PTPRE: variants seen among roughly 807,000 people sequenced by gnomAD.
PTPRE encodes the protein protein tyrosine phosphatase receptor type E, also known as receptor-type tyrosine-protein phosphatase epsilon.
PTPRE carries 51 observed loss-of-function variants against 102.0 expected under a neutral mutation model. That is an observed-to-expected ratio of 0.50 (90% CI 0.40 to 0.63). The LOEUF is 0.63. Among genes scored for constraint, PTPRE ranks in the 30% least tolerant of loss-of-function variants. PTPRE has a pLI of 0.00. For synonymous variants in PTPRE, 345 were observed against 348.2 expected, an observed-to-expected ratio of 0.99 and a Z score of 0.10; for missense variants, 752 against 915.1, an observed-to-expected ratio of 0.82 and a Z score of 2.30.
intron 2 of PTPRE, chr10:127,999,546 A>C (rs1275308715): frequency 2.0e-6 from 2 of 985,216 alleles, no homozygotes. Context: ...CTGCTTACCC[A>C]GCTGGGACTG....
At chr10:127,924,437 G>A (rs1400465468) in intron 1 of PTPRE, among the ~76,000 whole-genome samples, 1 of 152,184 alleles carries the variant, frequency 6.6e-6, no homozygotes, top group Non-Finnish European at 1.5e-5. Context: ...TGTTGGCCAG[G>A]CTGATCTCAA....
intron 10 of PTPRE, among the ~76,000 whole-genome samples, chr10:128,065,816 A>T (rs768659794): frequency 7.9e-5 from 12 of 152,234 alleles, no homozygotes; most frequent in Non-Finnish European, 1.5e-4. Flanking sequence ...TTCGTGAATG[A>T]ATGAAGAAAT....
intron 2 of PTPRE, among the ~76,000 whole-genome samples, chr10:127,995,208 C>T (rs1273340968): frequency 5.9e-5 from 9 of 152,194 alleles, no homozygotes; most frequent in African/African-American, 1.7e-4. Flanking sequence ...CAGATCCACA[C>T]ATCTTTGTTC....
At position 127,968,011 on chromosome 10, in the gene PTPRE, TG is replaced by T. The variant is rs1564835834; in HGVS notation, c.-30-14262del. Reference sequence around the variant, plus strand: ...AATGCCTCCCAGGTTGCTCTATAGGTGTGTGTGTGTGTGTGTGTGTGTGTGT... The same window carrying T: ...AATGCCTCCCAGGTTGCTCTATAGGTTGTGTGTGTGTGTGTGTGTGTGTGT... On this transcript the variant is annotated intron_variant, in intron 1 of 20. Transcript: ENST00000254667. 5.7e-4 allele frequency among the ~76,000 whole-genome samples: 72 copies of T among 125,714 alleles called. No individual in the cohort carries two copies. The East Asian group carries it at 0.014, about 25-fold the overall frequency. 82.5% of individuals were successfully genotyped at this position (125,714 alleles called of 152,430 possible).
intron 2 of PTPRE, among the ~76,000 whole-genome samples, chr10:127,992,644 C>G (rs563285807): frequency 6.6e-6 from 1 of 152,270 alleles, no homozygotes; most frequent in Admixed American, 6.5e-5. Context: ...AGGCCTGGAG[C>G]CTCTCCTTTT....
At chr10:127,958,425 G>T (rs189777691) in intron 1 of PTPRE, among the ~76,000 whole-genome samples, 151 of 152,162 alleles carry the variant, frequency 9.9e-4, no homozygotes, top group Non-Finnish European at 1.8e-3. Context: ...ATTTTGTCAC[G>T]TGCTTTTTTT....
chr10:128,077,314 C>A (rs1485710887), intron 18 of PTPRE, among the ~76,000 whole-genome samples: 3 of 152,204 alleles, frequency 2.0e-5, no homozygotes, highest in Non-Finnish European at 4.4e-5. Flanking sequence ...GAAAGTGATT[C>A]CCTTCTCTCC....
At chr10:127,912,680 T>C (rs1845944196) in intron 1 of PTPRE, among the ~76,000 whole-genome samples, 1 of 152,228 alleles carries the variant, frequency 6.6e-6, no homozygotes, top group Non-Finnish European at 1.5e-5. Flanking sequence ...TTTGATCCAA[T>C]GGAAGGGCTA....
At chr10:128,038,003 T>A (rs1447764297) in intron 2 of PTPRE, among the ~76,000 whole-genome samples, 4 of 148,164 alleles carry the variant, frequency 2.7e-5, no homozygotes, top group South Asian at 2.1e-4. Context: ...GAGACAGGGT[T>A]TCCTGGGCAG....
At position 127,907,577 on chromosome 10, in the gene PTPRE, G is replaced by A. The variant is rs1026229685; in HGVS notation, c.-31+268G>A. On this transcript the variant is annotated intron_variant, in intron 1 of 20. Coordinates refer to ENST00000254667, the MANE Select transcript of PTPRE (RefSeq NM_006504.6). The surrounding 1 kb of genome is among the most constrained non-coding windows in gnomAD (Gnocchi z 4.8). ...TGGCGACCACAGTGGCAGTGCTCAC[G>A]CTCCCTCTCGGTAAACAGGAGGAGG... 6.6e-5 allele frequency among the ~76,000 whole-genome samples: 10 copies of A among 151,900 alleles called. No individual in the cohort carries two copies. Among genetic ancestry groups the A allele is most frequent in the African/African-American group, 2.2e-4 (9 of 41,360 alleles).
chr10:127,939,447 C>A (rs1333317409), intron 1 of PTPRE, among the ~76,000 whole-genome samples: 1 of 152,106 alleles, frequency 6.6e-6, no homozygotes, highest in Non-Finnish European at 1.5e-5. Context: ...TCTAGTTATT[C>A]CAGAATAAAA....
intron 11 of PTPRE, among the ~76,000 whole-genome samples, chr10:128,067,390 G>GCACA (rs150997231): frequency 0.049 from 3,196 of 64,906 alleles, 62 homozygotes; most frequent in Middle Eastern, 0.12. Context: ...TCACACATGT[G>GCACA]CACACACACA....
intron 20 of PTPRE, among the ~76,000 whole-genome samples, chr10:128,080,331 C>T (rs528956770): frequency 6.6e-6 from 1 of 152,202 alleles, no homozygotes; most frequent in Non-Finnish European, 1.5e-5. Flanking sequence ...ACCAAAGCTT[C>T]CCACTTCGCA....
At chr10:127,982,050 C>T (rs917374345) in intron 1 of PTPRE, among the ~76,000 whole-genome samples, 10 of 152,074 alleles carry the variant, frequency 6.6e-5, no homozygotes, top group Non-Finnish European at 1.3e-4. Flanking sequence ...CCACCATCAA[C>T]TGATCATTAG....
chr10:128,007,600 G>T (rs573297347), intron 2 of PTPRE, among the ~76,000 whole-genome samples: 23 of 152,346 alleles, frequency 1.5e-4, no homozygotes, highest in African/African-American at 5.3e-4. Flanking sequence ...CACGTCTTAT[G>T]AGCTATGACC....
intron 2 of PTPRE, among the ~76,000 whole-genome samples, chr10:128,015,065 T>C (rs1265949836): frequency 1.3e-5 from 2 of 152,188 alleles, no homozygotes; most frequent in Non-Finnish European, 1.5e-5. Flanking sequence ...AAAACCTTTG[T>C]AAACATATAT....
intron 1 of PTPRE, among the ~76,000 whole-genome samples, chr10:127,968,036 G>GTGTT: frequency 6.6e-6 from 1 of 150,620 alleles, no homozygotes; most frequent in South Asian, 2.1e-4. Flanking sequence ...GTGTGTGTGT[G>GTGTT]TGTGTGTGTG....
At chr10:128,060,825 G>A (rs1849522852) in intron 7 of PTPRE, 114 bp from the exon 8 acceptor site, 1 of 976,932 alleles carries the variant, frequency 1.0e-6, no homozygotes, top group Admixed American at 2.0e-5. Context: ...AGCTGCTTTT[G>A]CCCTTCCCAG....
rs899749516 is a variant in PTPRE at position 128,014,159 on chromosome 10, C to G, written c.-7-26716C>G. Among the ~76,000 whole-genome samples the G allele has an allele frequency of 5.9e-5, 9 of 152,256 alleles. No individual in the cohort carries two copies. The East Asian group carries it at 1.7e-3, about 29-fold the overall frequency. On this transcript the variant is annotated intron_variant, in intron 2 of 20. Coordinates refer to ENST00000254667, the MANE Select transcript of PTPRE (RefSeq NM_006504.6). Reference sequence around the variant, plus strand: ...ACCACCCTAACAAGTCTGATGAGGACCAGGGCTTTGGCAGGGACCCCAGCT... The same window carrying G: ...ACCACCCTAACAAGTCTGATGAGGAGCAGGGCTTTGGCAGGGACCCCAGCT...
Sources: allele counts gnomAD v4.1 joint callset (sites outside exome capture counted in the v4.1 genomes callset), GRCh38; gene constraint gnomAD v4.1.1; non-coding constraint Gnocchi (gnomAD v3.1); transcripts MANE v1.5; gene names NCBI Gene and HGNC (gene_info 2026-07-23, HGNC 2026-07-21).